Variants in SGCD observed in about 807,000 individuals in gnomAD.
SGCD encodes the protein delta-sarcoglycan.
In SGCD, 18 loss-of-function variants were observed where a neutral mutation model predicts 36.6. That is an observed-to-expected ratio of 0.49 (90% CI 0.34 to 0.73). The LOEUF (loss-of-function observed/expected upper bound fraction) is 0.73, where lower values mean the gene tolerates loss of function less well. Among genes scored for constraint, SGCD ranks in the 30% least tolerant of loss-of-function variants. SGCD has a pLI of 0.01. For synonymous variants in SGCD, 133 were observed against 130.6 expected (o/e 1.02, Z -0.12); for missense variants, 387 against 346.7 (o/e 1.12, Z -0.92).
At chr5:155,744,297 T>A in the SGCD span, among the ~76,000 whole-genome samples, 22 of 151,906 alleles carry the variant, frequency 1.4e-4, 1 homozygote, top group Non-Finnish European at 3.1e-4. Context: ...TCATCTCTAC[T>A]AAAAATACAA....
the SGCD span, among the ~76,000 whole-genome samples, chr5:155,761,603 CCTCTCCATCATCCTCATCATCACT>C: frequency 1.3e-5 from 2 of 148,862 alleles, no homozygotes; most frequent in Non-Finnish European, 3.0e-5. Flanking sequence ...TCTCCATCAC[CCTCTCCATCATCCTCATCATCACT>C]CTCTCCATCA....
intron 1 of SGCD, among the ~76,000 whole-genome samples, chr5:155,931,031 G>A (rs1757089249): frequency 6.6e-6 from 1 of 151,976 alleles, no homozygotes; most frequent in Non-Finnish European, 1.5e-5. Flanking sequence ...CTTCCATAAT[G>A]GTTAGGATAG....
intron 3 of SGCD, among the ~76,000 whole-genome samples, chr5:156,233,699 C>G (rs1160953646): frequency 1.8e-4 from 27 of 152,106 alleles, no homozygotes; most frequent in Non-Finnish European, 4.4e-5. Context: ...TCAAAAGGAG[C>G]TTAAAAGTAA....
At chr5:156,560,522 G>T (rs1480531619) in intron 4 of SGCD, among the ~76,000 whole-genome samples, 1 of 152,138 alleles carries the variant, frequency 6.6e-6, no homozygotes, top group African/African-American at 2.4e-5. Context: ...TGTTTATGTG[G>T]CAATGAAGGA....
the SGCD span, among the ~76,000 whole-genome samples, chr5:155,851,691 C>T: frequency 6.6e-6 from 1 of 152,150 alleles, no homozygotes; most frequent in South Asian, 2.1e-4. Flanking sequence ...CCACTTTTTC[C>T]AAATACATAC....
At chr5:156,529,423 CAAA>C (rs397884521) in intron 4 of SGCD, among the ~76,000 whole-genome samples, 3 of 59,136 alleles carry the variant, frequency 5.1e-5, no homozygotes, top group Non-Finnish European at 1.0e-4. Flanking sequence ...GACTCTGTCT[CAAA>C]AAAAAAAAAA....
At chr5:156,158,660 C>T (rs776017935) in intron 3 of SGCD, among the ~76,000 whole-genome samples, 22 of 151,586 alleles carry the variant, frequency 1.5e-4, no homozygotes, top group Non-Finnish European at 2.9e-4. Context: ...CCGGGGTACT[C>T]AGCATGATAG....
At chr5:155,772,584 G>T in the SGCD span, among the ~76,000 whole-genome samples, 1 of 152,058 alleles carries the variant, frequency 6.6e-6, no homozygotes, top group Non-Finnish European at 1.5e-5. Flanking sequence ...CTTTAGCTAT[G>T]TATTGGATTT....
chr5:156,357,913 A>G (rs1580868100), intron 3 of SGCD, among the ~76,000 whole-genome samples: 1 of 152,204 alleles, frequency 6.6e-6, no homozygotes, highest in Non-Finnish European at 1.5e-5. Flanking sequence ...AGCAATGGAT[A>G]ACAGAACTCG....
intron 1 of SGCD, among the ~76,000 whole-genome samples, chr5:155,906,845 G>T (rs1756523865): frequency 1.6e-5 from 2 of 121,920 alleles, no homozygotes; most frequent in African/African-American, 5.4e-5. Context: ...AAATGATTCA[G>T]AAGATCTAGC....
chr5:156,470,348 GT>G (rs1187063053), intron 3 of SGCD, among the ~76,000 whole-genome samples: 13 of 148,926 alleles, frequency 8.7e-5, no homozygotes, highest in South Asian at 2.1e-4. Flanking sequence ...GATGTTTTGA[GT>G]TTTTTTTTTA....
At chr5:155,823,062 A>C in the SGCD span, among the ~76,000 whole-genome samples, 9 of 145,282 alleles carry the variant, frequency 6.2e-5, no homozygotes, top group South Asian at 2.3e-4. Flanking sequence ...CTATATCTCT[A>C]TATCTATCTA....
chr5:155,842,241 G>C, the SGCD span, among the ~76,000 whole-genome samples: 1 of 133,208 alleles, frequency 7.5e-6, no homozygotes, highest in East Asian at 2.2e-4. Flanking sequence ...AAACTCATTT[G>C]AGGTGTTTTT....
chr5:156,504,392 G>GTGTATATATATA (rs1413599402), intron 3 of SGCD, among the ~76,000 whole-genome samples: 4 of 75,066 alleles, frequency 5.3e-5, no homozygotes, highest in Admixed American at 1.6e-4. Flanking sequence ...GTGTGTGTGT[G>GTGTATATATATA]TATATATATA....
intron 1 of SGCD, among the ~76,000 whole-genome samples, chr5:155,897,681 TA>T (rs1756297169): frequency 6.6e-6 from 1 of 152,072 alleles, no homozygotes; most frequent in Non-Finnish European, 1.5e-5. Flanking sequence ...ATTTTTTTTT[TA>T]CTTTTTAAAC....
chr5:155,783,477 A>G, the SGCD span, among the ~76,000 whole-genome samples: 6 of 152,222 alleles, frequency 3.9e-5, no homozygotes, highest in African/African-American at 1.2e-4. Flanking sequence ...CTAGCTGGCA[A>G]TGACTGATTT....
chr5:155,982,805 G>A (rs551270458), intron 1 of SGCD, among the ~76,000 whole-genome samples: 2 of 152,244 alleles, frequency 1.3e-5, no homozygotes, highest in East Asian at 1.9e-4. Context: ...TGGAAATTAT[G>A]ACAGTTCCTA....
At chr5:156,500,241 A>T (rs143347733) in intron 3 of SGCD, among the ~76,000 whole-genome samples, 1 of 152,172 alleles carries the variant, frequency 6.6e-6, no homozygotes, top group African/African-American at 2.4e-5. Context: ...TCAAAATACA[A>T]CCATTTGGAA....
chr5:156,438,583 G>T (rs1465046474), intron 3 of SGCD, among the ~76,000 whole-genome samples: 1 of 152,104 alleles, frequency 6.6e-6, no homozygotes, highest in East Asian at 1.9e-4. Context: ...AGCTCCTCCA[G>T]CTCATGCTGT....
Sources: gnomAD v4.1 joint callset for allele counts (sites outside exome capture counted in the v4.1 genomes callset) on GRCh38, gnomAD v4.1.1 for gene constraint, MANE v1.5 for transcripts, NCBI Gene and HGNC (gene_info 2026-07-23, HGNC 2026-07-21) for gene names.